Variants in FAM193A observed in about 807,000 individuals in gnomAD.
The protein encoded by FAM193A is family with sequence similarity 193 member A, also known as protein FAM193A.
In FAM193A, 22 loss-of-function variants were observed where a neutral mutation model predicts 126.5. The observed-to-expected ratio is 0.17, with a 90% CI of 0.12 to 0.25. FAM193A has a LOEUF of 0.25. Ranked by LOEUF, FAM193A falls within the 10% of genes least tolerant of loss-of-function variation. The pLI is 1.00. For missense variants in FAM193A, 1,675 were observed against 1,672.8 expected, an observed-to-expected ratio of 1.00 and a Z score of -0.02; for synonymous variants, 761 against 646.8, an observed-to-expected ratio of 1.18 and a Z score of -2.68.
At chr4:2,679,787 G>A (rs796832259) in intron 13 of FAM193A, among the ~76,000 whole-genome samples, 33 of 152,092 alleles carry the variant, frequency 2.2e-4, no homozygotes, top group African/African-American at 7.7e-4. Flanking sequence ...AGAAAGATTG[G>A]TATTAATTCT....
At chr4:2,613,253 A>C (rs1327413077) in intron 2 of FAM193A, among the ~76,000 whole-genome samples, 1 of 152,170 alleles carries the variant, frequency 6.6e-6, no homozygotes. Context: ...TTTGGGCAAC[A>C]TAGTGAGATC....
At chr4:2,660,091 A>T (rs1417841393) in intron 10 of FAM193A, 37 bp downstream of exon 10, 4 of 1,604,040 alleles carry the variant, frequency 2.5e-6, no homozygotes, top group Non-Finnish European at 3.4e-6. Flanking sequence ...TCCGAAATTT[A>T]AGTCGCCCCA....
Position 2,693,668 on chromosome 4 carries a change from C to T in FAM193A, c.2886C>T (p.Ala962=). The change falls in exon 16 of 21, where the codon GCC becomes GCT. Residue 962 remains alanine, a synonymous_variant. Transcript: ENST00000637812. ...AAPRNSPTGL[A]PLPALSPAAL... is the part of the protein sequence containing the mutation. ...CGAGGAATAGCCCCACGGGCTTGGC[C>T]CCCCTCCCAGCGCTCTCGCCTGCTG... 1.9e-6 allele frequency: 3 copies of T among 1,614,188 alleles called. No individual in the cohort carries two copies. Among genetic ancestry groups the T allele is most frequent in the Non-Finnish European group, 2.5e-6 (3 of 1,180,020 alleles).
At chr4:2,622,254 C>G (rs1487100550) in intron 2 of FAM193A, among the ~76,000 whole-genome samples, 4 of 81,328 alleles carry the variant, frequency 4.9e-5, no homozygotes, top group African/African-American at 6.4e-5. Context: ...GAGACCCTGT[C>G]TCCAAAAAAA....
intron 17 of FAM193A, 119 bp from the exon 18 acceptor site, chr4:2,696,244 T>G (rs1362768283): frequency 2.9e-6 from 2 of 693,218 alleles, no homozygotes; most frequent in Non-Finnish European, 4.7e-6. Flanking sequence ...ATTTCCTTAT[T>G]TTTCACAACA....
chr4:2,647,503 C>T (rs1361820083), intron 7 of FAM193A, among the ~76,000 whole-genome samples: 1 of 152,080 alleles, frequency 6.6e-6, no homozygotes, highest in Non-Finnish European at 1.5e-5. Flanking sequence ...CTGTTGAGAG[C>T]TCATTGTCCA....
intron 6 of FAM193A, among the ~76,000 whole-genome samples, chr4:2,642,709 G>T (rs1277555869): frequency 1.3e-5 from 2 of 151,638 alleles, no homozygotes. Context: ...ACTGAAACCG[G>T]AAGTGCATCA....
In FAM193A at chr4:2,620,836, C is replaced by CAAAAAA. The variant is rs34305537; in HGVS notation, c.502-4409_502-4404dup. 1.4e-4 allele frequency among the ~76,000 whole-genome samples: 10 copies of CAAAAAA among 69,088 alleles called. 1 individual carries two copies. Among genetic ancestry groups the CAAAAAA allele is most frequent in the African/African-American group, 5.5e-4 (9 of 16,496 alleles). 45.3% of individuals were successfully genotyped at this position (69,088 alleles called of 152,430 possible). A position where few individuals can be genotyped will look rare whatever the true frequency, so the allele number is the denominator to read the frequency against. On this transcript the variant is annotated intron_variant, in intron 2 of 20. Transcript: ENST00000637812. ...GGGCAAGAAGACTGCAACTCCGTCT[C>CAAAAAA]AAAAAAAAAAAAAAAAAAAAAAGTA...
chr4:2,639,139 A>G (rs996056490), intron 5 of FAM193A, among the ~76,000 whole-genome samples: 1 of 152,182 alleles, frequency 6.6e-6, no homozygotes, highest in Non-Finnish European at 1.5e-5. Flanking sequence ...CTTGCTGTAC[A>G]TCTCTGCTGA....
At chr4:2,629,514 A>G (rs1480391819) in intron 4 of FAM193A, among the ~76,000 whole-genome samples, 1 of 152,240 alleles carries the variant, frequency 6.6e-6, no homozygotes, top group Non-Finnish European at 1.5e-5. Context: ...TTCCATTGCA[A>G]GATTTTACTT....
At chr4:2,573,996 G>T (rs1398423474) in intron 1 of FAM193A, among the ~76,000 whole-genome samples, 2 of 152,192 alleles carry the variant, frequency 1.3e-5, no homozygotes, top group African/African-American at 4.8e-5. Flanking sequence ...AGTCAGAGAG[G>T]CTCAGGGGAC....
chr4:2,554,059 C>T (rs1389671550), intron 1 of FAM193A, among the ~76,000 whole-genome samples: 2 of 152,028 alleles, frequency 1.3e-5, no homozygotes, highest in South Asian at 2.1e-4. Context: ...CAGAAGTGTG[C>T]TGTTTAATTC....
At chr4:2,658,497 T>TTCCCCTGATCTCCCATCCACGTG (rs1312865079) in intron 8 of FAM193A, among the ~76,000 whole-genome samples, 4 of 152,242 alleles carry the variant, frequency 2.6e-5, no homozygotes, top group South Asian at 2.1e-4. Context: ...GAAACTTGGC[T>TTCCCCTGATCTCCCATCCACGTG]TCCCCTGATC....
chr4:2,572,833 G>A (rs146511919), intron 1 of FAM193A, among the ~76,000 whole-genome samples: 1 of 150,844 alleles, frequency 6.6e-6, no homozygotes, highest in East Asian at 1.9e-4. Context: ...TGGTTTGCTG[G>A]ATAACAACGG....
intron 19 of FAM193A, among the ~76,000 whole-genome samples, chr4:2,702,616 C>CA (rs1038851845): frequency 1.3e-5 from 2 of 152,190 alleles, no homozygotes; most frequent in Non-Finnish European, 2.9e-5. Flanking sequence ...ATCCCAGCCC[C>CA]ACTCCTGTGC....
intron 7 of FAM193A, chr4:2,654,283 G>C (rs1745952664): frequency 6.6e-6 from 1 of 151,640 alleles, no homozygotes; most frequent in Non-Finnish European, 1.5e-5. Context: ...TGTCATCTCA[G>C]CTCACTGCAA....
intron 1 of FAM193A, among the ~76,000 whole-genome samples, chr4:2,547,358 A>C (rs1399166403): frequency 6.6e-6 from 1 of 152,044 alleles, no homozygotes; most frequent in Non-Finnish European, 1.5e-5. Context: ...ACACTACTGC[A>C]CTCCAGCCTG....
At chr4:2,607,895 T>G (rs917160134) in intron 2 of FAM193A, 10 of 944,704 alleles carry the variant, frequency 1.1e-5, no homozygotes, top group African/African-American at 3.5e-5. Context: ...TGCCTGTTTC[T>G]TTTTTGTCTG....
At chr4:2,571,607 C>A (rs146063137) in intron 1 of FAM193A, among the ~76,000 whole-genome samples, 30 of 151,868 alleles carry the variant, frequency 2.0e-4, no homozygotes, top group African/African-American at 6.0e-4. Context: ...GTGGCATGAT[C>A]TTGGCTCACT....
Sources: gnomAD v4.1 joint callset for allele counts (sites outside exome capture counted in the v4.1 genomes callset) on GRCh38, gnomAD v4.1.1 for gene constraint, MANE v1.5 for transcripts, NCBI Gene and HGNC (gene_info 2026-07-23, HGNC 2026-07-21) for gene names.